NTRK2: variants seen among roughly 807,000 people sequenced by gnomAD.
The protein encoded by NTRK2 is BDNF/NT-3 growth factors receptor.
A neutral mutation model predicts 94.5 loss-of-function variants in NTRK2; 13 were observed. That is an observed-to-expected ratio of 0.14 (90% CI 0.09 to 0.22). The LOEUF (loss-of-function observed/expected upper bound fraction) is 0.22, where lower values mean the gene tolerates loss of function less well. Ranked by LOEUF, NTRK2 falls within the 10% of genes least tolerant of loss-of-function variation. The pLI is 1.00. For missense variants in NTRK2, 639 were observed against 1,071.2 expected (o/e 0.60, Z 5.63); for synonymous variants, 372 against 407.4 (o/e 0.91, Z 1.05).
chr9:84,998,056 C>T (rs749700997), intron 17 of NTRK2, among the ~76,000 whole-genome samples: 1 of 152,188 alleles, frequency 6.6e-6, no homozygotes, highest in African/African-American at 2.4e-5. Context: ...TGCTGAGATA[C>T]GAAGCTCAGA....
At chr9:84,963,217 T>G (rs1406980881) in intron 17 of NTRK2, among the ~76,000 whole-genome samples, 1 of 152,210 alleles carries the variant, frequency 6.6e-6, no homozygotes, top group African/African-American at 2.4e-5. Context: ...AAATACTTCT[T>G]TTTGTACCTC....
chr9:84,874,416 G>C (rs1374306558), intron 14 of NTRK2: 1 of 1,065,568 alleles, frequency 9.4e-7, no homozygotes, highest in African/African-American at 1.6e-5. Flanking sequence ...AATTCTGCCA[G>C]CCTGTGAGAG....
At chr9:84,843,462 A>G (rs1055909113) in intron 12 of NTRK2, among the ~76,000 whole-genome samples, 40 of 152,298 alleles carry the variant, frequency 2.6e-4, no homozygotes, top group African/African-American at 9.4e-4. Flanking sequence ...CTGAGAGGTG[A>G]GCCAGCTGCC....
At position 84,992,904 on chromosome 9, in the gene NTRK2, GAA is replaced by G. The variant is rs60802572; in HGVS notation, c.2173-27293_2173-27292del. Reference sequence around the variant, plus strand: ...TTATTAGTTCAAAGTAAAGAGTTAAGAAAAAAAAAATATATAAATATATTTAA... The same window carrying G: ...TTATTAGTTCAAAGTAAAGAGTTAAGAAAAAAAATATATAAATATATTTAA... On this transcript the variant is annotated intron_variant, in intron 17 of 18. Transcript: ENST00000277120. Among the ~76,000 whole-genome samples the G allele has an allele frequency of 2.5e-4, 37 of 147,196 alleles. No individual in the cohort carries two copies. In the South Asian group the frequency reaches 2.6e-3, roughly 10 times the overall value.
intron 14 of NTRK2, chr9:84,875,589 C>CA (rs1283836542): frequency 3.8e-6 from 4 of 1,062,166 alleles, no homozygotes; most frequent in Admixed American, 1.1e-4. Flanking sequence ...CTTAAAGGGC[C>CA]AAACTAGTTA....
intron 17 of NTRK2, among the ~76,000 whole-genome samples, chr9:84,975,762 AT>A (rs1564517798): frequency 1.9e-4 from 28 of 146,376 alleles, no homozygotes; most frequent in African/African-American, 7.4e-4. Flanking sequence ...AATATGTGTG[AT>A]ATTCACACAA....
intron 17 of NTRK2, among the ~76,000 whole-genome samples, chr9:84,966,690 C>G (rs1024932692): frequency 3.3e-4 from 50 of 152,162 alleles, no homozygotes; most frequent in African/African-American, 9.2e-4. Context: ...CTCAGCCTCC[C>G]AAAGTGCTGG....
At chr9:84,832,493 A>G (rs1300584793) in intron 12 of NTRK2, among the ~76,000 whole-genome samples, 1 of 152,212 alleles carries the variant, frequency 6.6e-6, no homozygotes. Context: ...GAGCAGTAAG[A>G]GGATAAAAGC....
At chr9:84,689,093 G>A (rs528937387) in intron 2 of NTRK2, among the ~76,000 whole-genome samples, 2 of 152,222 alleles carry the variant, frequency 1.3e-5, no homozygotes, top group African/African-American at 2.4e-5. Context: ...CACACAGTTC[G>A]CACTCTGCTG....
At chr9:84,867,123 C>A (rs572960983) in intron 13 of NTRK2, 120 bp from the exon 14 acceptor site, 2 of 907,744 alleles carry the variant, frequency 2.2e-6, no homozygotes, top group Admixed American at 2.0e-5. Flanking sequence ...TTGTACTACT[C>A]TGTGAATATA....
intron 12 of NTRK2, chr9:84,813,230 C>T (rs199869278): frequency 1.9e-6 from 2 of 1,052,142 alleles, no homozygotes; most frequent in Non-Finnish European, 2.3e-6. Context: ...GATGCCTGCC[C>T]TTCCAGAGGG....
At chr9:84,717,699 A>G (rs7855963) in intron 6 of NTRK2, among the ~76,000 whole-genome samples, 3,426 of 152,362 alleles carry the variant, frequency 0.022, 151 homozygotes, top group African/African-American at 0.078. Context: ...AGTCTAGCAC[A>G]TACTAAGTAC....
At chr9:84,851,916 G>A (rs773529644) in intron 12 of NTRK2, among the ~76,000 whole-genome samples, 1 of 152,190 alleles carries the variant, frequency 6.6e-6, no homozygotes, top group Non-Finnish European at 1.5e-5. Flanking sequence ...AATAATGTAA[G>A]TATAAATATG....
chr9:84,744,745 C>T (rs1246716723), intron 10 of NTRK2, among the ~76,000 whole-genome samples: 1 of 152,126 alleles, frequency 6.6e-6, no homozygotes, highest in Non-Finnish European at 1.5e-5. Flanking sequence ...ACCAACAAGA[C>T]AATGATGTAA....
At chr9:84,748,522 T>C (rs1422577505) in intron 11 of NTRK2, among the ~76,000 whole-genome samples, 2 of 152,198 alleles carry the variant, frequency 1.3e-5, no homozygotes. Flanking sequence ...CTAGCTGTCA[T>C]GACTGGTAAA....
chr9:84,873,324 G>A lies in NTRK2; in HGVS notation c.1633+5893G>A, dbSNP rs2075939999. On this transcript the variant is annotated intron_variant, in intron 14 of 18. Transcript: ENST00000277120. ...GCCATGGCCTGCACTTTAAAAATAA[G>A]CTAAGTCCATTCTGCCCAGCACGAG... 4.7e-6 allele frequency: 5 copies of A among 1,058,470 alleles called. No homozygotes were observed. The South Asian group carries it at 2.3e-4, about 48-fold the overall frequency. 65.6% of individuals were successfully genotyped at this position (1,058,470 alleles called of 1,614,324 possible). A position where few individuals can be genotyped will look rare whatever the true frequency, so the allele number is the denominator to read the frequency against.
At chr9:84,866,992 A>G (rs187117544) in intron 13 of NTRK2, among the ~76,000 whole-genome samples, 1 of 152,340 alleles carries the variant, frequency 6.6e-6, no homozygotes, top group Admixed American at 6.5e-5. Context: ...GGTTCCATTC[A>G]TATGAAATGC....
rs2075398960 is a variant in NTRK2, at chr9:84,862,886, G to T, written c.1444+1799G>T. Among the ~76,000 whole-genome samples, 14 of 152,266 alleles carry T rather than the reference G, an allele frequency of 9.2e-5. 1 individual carries two copies. The South Asian group carries it at 2.9e-3, about 32-fold the overall frequency. On this transcript the variant is annotated intron_variant, in intron 13 of 18. Coordinates refer to ENST00000277120, the MANE Select transcript of NTRK2 (RefSeq NM_006180.6). ...CTCTAGGGTACAGGAGCTATCTAGA[G>T]TTGTCAAGTACTTGGCCCTGGGGTG...
At chr9:84,842,222 C>T (rs954050536) in intron 12 of NTRK2, among the ~76,000 whole-genome samples, 3 of 152,254 alleles carry the variant, frequency 2.0e-5, no homozygotes, top group African/African-American at 4.8e-5. Context: ...CTCCGTTCCT[C>T]GTGAAGAGGC....
Sources: allele counts gnomAD v4.1 joint callset (sites outside exome capture counted in the v4.1 genomes callset), GRCh38; gene constraint gnomAD v4.1.1; transcripts MANE v1.5; gene names NCBI Gene and HGNC (gene_info 2026-07-23, HGNC 2026-07-21).